Variants in P4HB observed in about 807,000 individuals in gnomAD.
The protein encoded by P4HB is protein disulfide-isomerase.
Under a neutral mutation model 52.6 loss-of-function variants are expected in P4HB, and 20 were observed. The observed-to-expected ratio is 0.38, with a 90% CI of 0.27 to 0.55. The LOEUF (loss-of-function observed/expected upper bound fraction) is 0.55, where lower values mean the gene tolerates loss of function less well. P4HB is among the 20% of genes least tolerant of loss of function. The probability of loss-of-function intolerance (pLI) is 0.74; values close to 1 mark genes in which losing one functional copy is unlikely to be tolerated. For synonymous variants in P4HB, 296 were observed against 277.9 expected (o/e 1.07, Z -0.65); for missense variants, 601 against 669.2 (o/e 0.90, Z 1.12).
intron 2 of P4HB, among the ~76,000 whole-genome samples, chr17:81,857,473 C>G (rs978638018): frequency 6.6e-6 from 1 of 152,214 alleles, no homozygotes; most frequent in Non-Finnish European, 1.5e-5. Context: ...TCTAAATTTT[C>G]TTTGACATGT....
At chr17:81,854,639 G>A (rs950229246) in intron 4 of P4HB, among the ~76,000 whole-genome samples, 1 of 151,858 alleles carries the variant, frequency 6.6e-6, no homozygotes, top group Non-Finnish European at 1.5e-5. Context: ...GAGGTCAAGA[G>A]ATTGATACCA....
Position 81,846,770 on chromosome 17 carries a change from G to T in P4HB, c.856-141C>A. On this transcript the variant is annotated intron_variant, in intron 6 of 10. Coordinates refer to ENST00000331483, the MANE Select transcript of P4HB (RefSeq NM_000918.4). The surrounding 1 kb of genome is among the most constrained non-coding windows in gnomAD (Gnocchi z 5.7). The stretch of plus-strand genomic sequence containing the variant: ...CGGGGTTGCCCAACCAGACCAGCAG[G>T]TGACTGGGAGCAGAGGTCTGGCCTG... 1 of 1,190,460 alleles carries T rather than the reference G, an allele frequency of 8.4e-7. No homozygotes were observed. The highest frequency in any genetic ancestry group is 1.3e-5 in the South Asian group (1 of 74,258). 73.7% of individuals were successfully genotyped at this position (1,190,460 alleles called of 1,614,324 possible). A position where few individuals can be genotyped will look rare whatever the true frequency, so the allele number is the denominator to read the frequency against.
chr17:81,846,142 A>C lies in P4HB; in HGVS notation c.1057-151T>G. On this transcript the variant is annotated intron_variant, in intron 7 of 10. Transcript: ENST00000331483. This position sits in a 1 kb window ranked among gnomAD's most constrained non-coding sequence, Gnocchi z 5.7. Reference sequence around the variant, plus strand: ...ACACCAACAGTGCCAAGAATCCAGAAAGAGAAGGCTGGGCCAGTGGGCTGG... The same window carrying C: ...ACACCAACAGTGCCAAGAATCCAGACAGAGAAGGCTGGGCCAGTGGGCTGG... 1.9e-5 allele frequency: 21 copies of C among 1,086,668 alleles called. No homozygotes were observed. Among genetic ancestry groups the C allele is most frequent in the African/African-American group, 3.2e-5 (2 of 63,076 alleles). The allele number at this position is 1,086,668 out of a possible 1,614,324, so 67.3% of individuals were successfully genotyped here.
chr17:81,857,500 T>G (rs181731736), intron 2 of P4HB, among the ~76,000 whole-genome samples: 1 of 152,332 alleles, frequency 6.6e-6, no homozygotes, highest in Non-Finnish European at 1.5e-5. Flanking sequence ...ATCAAACACA[T>G]GTTCTCACCC....
intron 10 of P4HB, 78 bp from the exon 11 acceptor site, chr17:81,844,170 GC>G (rs2038696171): frequency 1.0e-5 from 10 of 1,003,892 alleles, no homozygotes; most frequent in South Asian, 8.9e-5. Flanking sequence ...ACCCCACACT[GC>G]TCACACCGGG....
chr17:81,848,144 C>T (rs2038768077), intron 4 of P4HB, among the ~76,000 whole-genome samples: 1 of 152,202 alleles, frequency 6.6e-6, no homozygotes, highest in Admixed American at 6.5e-5. Context: ...TCGTGATCTG[C>T]CCGCCTCGGC....
In P4HB at chr17:81,846,559, T is replaced by G. The variant is rs753429464; in HGVS notation, c.926A>C (p.Lys309Thr). The change falls in exon 7 of 11, where the codon AAG becomes ACG. Residue 309 changes from lysine to threonine, a missense_variant. Coordinates refer to ENST00000331483, the MANE Select transcript of P4HB (RefSeq NM_000918.4). The surrounding 1 kb of genome is among the most constrained non-coding windows in gnomAD (Gnocchi z 5.7). ...QRILEFFGLK[K>T]EECPAVRLIT... ...GAGGCGCACGGCCGGGCACTCTTCCTTCTTCAGGCCAAAGAACTCGAGGAT... is the reference window on the plus strand; with the variant it reads ...GAGGCGCACGGCCGGGCACTCTTCCGTCTTCAGGCCAAAGAACTCGAGGAT... 1 of 1,614,104 alleles carries G rather than the reference T, an allele frequency of 6.2e-7. No homozygotes were observed. Among genetic ancestry groups the G allele is most frequent in the South Asian group, 1.1e-5 (1 of 91,082 alleles).
At chr17:81,857,306 C>T (rs2038927352) in intron 2 of P4HB, among the ~76,000 whole-genome samples, 1 of 152,124 alleles carries the variant, frequency 6.6e-6, no homozygotes, top group Non-Finnish European at 1.5e-5. Flanking sequence ...CACCACCACG[C>T]CCGGCTAATT....
Position 81,843,575 on chromosome 17 carries a change from CG to C in P4HB, c.*436del. The stretch of plus-strand genomic sequence containing the variant: ...CCAGTCCGGCTCCGTCCCTCCCACA[CG>C]GGGGACAAGCTTCTCCGAGGAGGCC... On this transcript the variant is annotated 3_prime_UTR_variant, in exon 11 of 11. Coordinates refer to ENST00000331483, the MANE Select transcript of P4HB (RefSeq NM_000918.4). 2.3e-6 allele frequency: 1 copy of C among 438,654 alleles called. No individual in the cohort carries two copies. The highest frequency in any genetic ancestry group is 3.3e-5 in the East Asian group (1 of 29,922). 27.2% of individuals were successfully genotyped at this position (438,654 alleles called of 1,614,324 possible). A position where few individuals can be genotyped will look rare whatever the true frequency, so the allele number is the denominator to read the frequency against.
rs2038752183 is a variant in P4HB at position 81,847,311 on chromosome 17, T to C, written c.661A>G (p.Thr221Ala). The change falls in exon 5 of 11, where the codon ACC becomes GCC. Residue 221 changes from threonine (T) to alanine (A), a missense_variant. By Grantham distance (58) the Thr-to-Ala change is moderately conservative. Coordinates refer to ENST00000331483, the MANE Select transcript of P4HB (RefSeq NM_000918.4). ...EGRNNFEGEV[T>A]KENLLDFIKH... ...ATAAAGTCCAGCAGGTTCTCCTTGGTGACCTCCCCTTCAAAGTTGTTCCGG... is the reference window on the plus strand; with the variant it reads ...ATAAAGTCCAGCAGGTTCTCCTTGGCGACCTCCCCTTCAAAGTTGTTCCGG... 1 of 1,614,170 alleles carries C rather than the reference T, an allele frequency of 6.2e-7. No homozygotes were observed.
At chr17:81,854,197 G>A (rs2038878539) in intron 4 of P4HB, among the ~76,000 whole-genome samples, 1 of 152,258 alleles carries the variant, frequency 6.6e-6, no homozygotes, top group South Asian at 2.1e-4. Context: ...AAACGTTCTG[G>A]AAATAGGGAT....
At chr17:81,859,740 TGAA>T (rs2038968005) in intron 1 of P4HB, 2 of 321,134 alleles carry the variant, frequency 6.2e-6, no homozygotes, top group Admixed American at 9.0e-5. Flanking sequence ...CAGACAAAAG[TGAA>T]GAAGTGACCG....
rs1397087099 is a variant in P4HB, at chr17:81,855,182, T to G, written c.584A>C (p.Lys195Thr). 1 of 1,614,110 alleles carries G rather than the reference T, an allele frequency of 6.2e-7. No homozygotes were observed. Among genetic ancestry groups the G allele is most frequent in the East Asian group, 2.2e-5 (1 of 44,878 alleles). Residue 195 changes from lysine (K) to threonine (T), a missense_variant, in exon 4 of 11, where the codon AAA becomes ACA. Physicochemically the swap from Lys to Thr is moderately conservative, Grantham distance 78. Transcript: ENST00000331483. This position sits in a 1 kb window ranked among gnomAD's most constrained non-coding sequence, Gnocchi z 4.3. ...GITSNSDVFS[K>T]YQLDKDGVVL... is the part of the protein sequence containing the mutation. ...AACCCCATCTTTGTCGAGCTGGTAT[T>G]TGGAGAACACGTCACTGTTGGAAGT...
chr17:81,853,595 AAAAG>A (rs1244681533), intron 4 of P4HB, among the ~76,000 whole-genome samples: 2 of 152,122 alleles, frequency 1.3e-5, no homozygotes, highest in Admixed American at 1.3e-4. Context: ...AAGAAAAAAA[AAAAG>A]AAAGTGAATG....
chr17:81,852,873 G>A (rs940682795), intron 4 of P4HB, among the ~76,000 whole-genome samples: 3 of 152,242 alleles, frequency 2.0e-5, no homozygotes, highest in Non-Finnish European at 2.9e-5. Flanking sequence ...CAGGGTTCGC[G>A]AGTTTCGTGG....
At chr17:81,854,463 G>A (rs2038882043) in intron 4 of P4HB, among the ~76,000 whole-genome samples, 1 of 151,076 alleles carries the variant, frequency 6.6e-6, no homozygotes, top group African/African-American at 2.4e-5. Context: ...GATCACTTGA[G>A]CCTGGGAAGC....
intron 2 of P4HB, among the ~76,000 whole-genome samples, chr17:81,858,065 C>T (rs3786151): frequency 0.14 from 21,574 of 151,730 alleles, 1,947 homozygotes; most frequent in Admixed American, 0.2. Context: ...CACGAGGTCA[C>T]GATCGAGACC....
chr17:81,845,542 G>C lies in P4HB; in HGVS notation c.1359+19C>G. On this transcript the variant is annotated intron_variant, in intron 9 of 10. Coordinates refer to ENST00000331483, the MANE Select transcript of P4HB (RefSeq NM_000918.4). ...TCTTCCCAGAGCCCGCCCCAGCCCC[G>C]TCTGGAGGGAAGGCGCACCGTCCTG... 1 of 1,573,946 alleles carries C rather than the reference G, an allele frequency of 6.4e-7. No homozygotes were observed. Among genetic ancestry groups the C allele is most frequent in the South Asian group, 1.2e-5 (1 of 86,266 alleles).
chr17:81,845,096 C>T (rs777611097), intron 10 of P4HB, 48 bp downstream of exon 10: 1 of 1,431,364 alleles, frequency 7.0e-7, no homozygotes, highest in South Asian at 1.2e-5. Context: ...CCCGTGGGGC[C>T]AAGGGGCTGA....
Sources: allele counts gnomAD v4.1 joint callset (sites outside exome capture counted in the v4.1 genomes callset), GRCh38; gene constraint gnomAD v4.1.1; non-coding constraint Gnocchi (gnomAD v3.1); transcripts MANE v1.5; gene names NCBI Gene and HGNC (gene_info 2026-07-23, HGNC 2026-07-21).